Variants in DSC3 observed in about 807,000 individuals in gnomAD.
The protein encoded by DSC3 is desmocollin-3.
DSC3 carries 97 observed loss-of-function variants against 89.5 expected under a neutral mutation model. That is an observed-to-expected ratio of 1.08 (90% CI 0.92 to 1.28). The LOEUF (loss-of-function observed/expected upper bound fraction) is 1.28, where lower values mean the gene tolerates loss of function less well. Ranked by LOEUF, DSC3 falls within the 50% of genes most tolerant of loss-of-function variation. The pLI is 0.00. For missense variants in DSC3, 1,199 were observed against 1,085.3 expected (o/e 1.10, Z -1.47); for synonymous variants, 436 against 384.1 (o/e 1.14, Z -1.58).
chr18:31,002,890 A>G (rs749845871), intron 13 of DSC3, among the ~76,000 whole-genome samples: 2 of 152,160 alleles, frequency 1.3e-5, no homozygotes, highest in Admixed American at 6.5e-5. Flanking sequence ...AAAGCTTGAC[A>G]TATATACTAT....
chr18:31,008,174 AAAT>A lies in DSC3; in HGVS notation c.1521-19_1521-17del. ...TTTTTTGTACCTGTTAATAAAAAAAAAATAGTCTTTAGCATCAGAAAATGTTTT... is the reference window on the plus strand; with the variant it reads ...TTTTTTGTACCTGTTAATAAAAAAAAAGTCTTTAGCATCAGAAAATGTTTT... On this transcript the variant is annotated splice_polypyrimidine_tract_variant and intron_variant, in intron 10 of 15. Coordinates refer to ENST00000360428, the MANE Select transcript of DSC3 (RefSeq NM_001941.5). The A allele has an allele frequency of 1.2e-6, 2 of 1,608,020 alleles. No homozygotes were observed. The highest frequency in any genetic ancestry group is 2.7e-5 in the African/African-American group (2 of 74,966).
At position 30,991,113 on chromosome 18, in the gene DSC3, T is replaced by C. The variant is rs1227428482; in HGVS notation, c.*3062A>G. 6.6e-6 allele frequency: 1 copy of C among 152,650 alleles called. No homozygotes were observed. The highest frequency in any genetic ancestry group is 1.5e-5 in the Non-Finnish European group (1 of 68,042). The allele number at this position is 152,650 out of a possible 1,614,324, so 9.5% of individuals were successfully genotyped here. A position where few individuals can be genotyped will look rare whatever the true frequency, so the allele number is the denominator to read the frequency against. ...ATCTCCCCACATCTGTAAATATTAC[T>C]TTACGCATCCAATTTTTGCTTATTT... is the stretch of plus-strand genomic sequence containing the variant. On this transcript the variant is annotated 3_prime_UTR_variant, in exon 16 of 16. Transcript: ENST00000360428.
chr18:31,002,944 C>T (rs1051097231), intron 13 of DSC3, among the ~76,000 whole-genome samples: 11 of 152,156 alleles, frequency 7.2e-5, no homozygotes, highest in Admixed American at 2.6e-4. Flanking sequence ...GCCTACCCTA[C>T]ATGGCCCCAC....
chr18:31,029,535 C>A lies in DSC3; in HGVS notation c.448G>T (p.Gly150Cys). ...IPCSMQENSL[G>C]PFPLFLQQVE... Reference sequence around the variant, plus strand: ...TGTTGAAGAAACAATGGGAAAGGGCCCAAGGAATTCTCTTGCATAGAGCAA... The same window carrying A: ...TGTTGAAGAAACAATGGGAAAGGGCACAAGGAATTCTCTTGCATAGAGCAA... The change falls in exon 4 of 16, where the codon GGC becomes TGC. Residue 150 changes from glycine (G) to cysteine (C), a missense_variant. Transcript: ENST00000360428. 1.9e-6 allele frequency: 3 copies of A among 1,613,736 alleles called. No homozygotes were observed. Among genetic ancestry groups the A allele is most frequent in the Non-Finnish European group, 2.5e-6 (3 of 1,179,734 alleles).
chr18:31,004,241 T>A lies in DSC3; in HGVS notation c.2014A>T (p.Thr672Ser). 6.2e-7 allele frequency: 1 copy of A among 1,613,970 alleles called. No homozygotes were observed. The highest frequency in any genetic ancestry group is 1.1e-5 in the South Asian group (1 of 91,078). The change falls in exon 13 of 16, where the codon ACT becomes TCT. Residue 672 changes from threonine (T) to serine (S), a missense_variant. Physicochemically the swap from Thr to Ser is moderately conservative, Grantham distance 58. Coordinates refer to ENST00000360428, the MANE Select transcript of DSC3 (RefSeq NM_001941.5). Reference protein sequence around the residue: ...KLLRVNLCECTHPTQCRATSR... With the variant: ...KLLRVNLCECSHPTQCRATSR... ...GTCGCACGACACTGAGTTGGATGAG[T>A]ACATTCACACAGATTAACTCTCAAT...
Position 31,008,391 on chromosome 18 carries a change from A to G in DSC3, c.1398T>C (p.Asp466=). ...CTGCAGGAGTGCATTCAGGCCCCTCATCCAGATCCCTCACATGAACTGTAA... is the reference window on the plus strand; with the variant it reads ...CTGCAGGAGTGCATTCAGGCCCCTCGTCCAGATCCCTCACATGAACTGTAA... The part of the protein sequence containing the change: ...ALVTVHVRDL[D]EGPECTPAAQ... Residue 466 remains aspartate (D), a synonymous_variant, in exon 10 of 16, where the codon GAT becomes GAC. Transcript: ENST00000360428. 1 of 1,614,132 alleles carries G rather than the reference A, an allele frequency of 6.2e-7. No individual in the cohort carries two copies. Among genetic ancestry groups the G allele is most frequent in the Non-Finnish European group, 8.5e-7 (1 of 1,180,024 alleles).
In DSC3 at chr18:31,024,435, G is replaced by A. The variant is rs367787927; in HGVS notation, c.689C>T (p.Pro230Leu). The A allele has an allele frequency of 6.2e-7, 1 of 1,612,180 alleles. No homozygotes were observed. Among genetic ancestry groups the A allele is most frequent in the Non-Finnish European group, 8.5e-7 (1 of 1,178,960 alleles). Residue 230 changes from proline to leucine, a missense_variant, in exon 6 of 16, where the codon CCC becomes CTC. Physicochemically the swap from Pro to Leu is moderately conservative, Grantham distance 98. Transcript: ENST00000360428. ...GYSADLPLPL[P>L]IRVEDENDNH... ...GTCATTTTCATCCTCTACCCTGATG[G>A]GTAGTGGGAGGGGCAGATCTGCTGA...
At chr18:30,998,279 G>A (rs981589845) in intron 14 of DSC3, among the ~76,000 whole-genome samples, 1 of 152,132 alleles carries the variant, frequency 6.6e-6, no homozygotes, top group African/African-American at 2.4e-5. Context: ...GAGCCTACAA[G>A]TATCTAGATG....
intron 4 of DSC3, among the ~76,000 whole-genome samples, chr18:31,027,773 A>C (rs1027940030): frequency 3.3e-5 from 5 of 152,106 alleles, no homozygotes; most frequent in Non-Finnish European, 7.4e-5. Flanking sequence ...TTTGTTTCTG[A>C]AAGTTCAACC....
At chr18:31,029,651 A>G in intron 3 of DSC3, 23 bp from the exon 4 acceptor site, 1 of 1,613,230 alleles carries the variant, frequency 6.2e-7, no homozygotes, top group Non-Finnish European at 8.5e-7. Flanking sequence ...AAAAACAAAT[A>G]CATGAATAAA....
intron 1 of DSC3, among the ~76,000 whole-genome samples, chr18:31,034,629 C>T (rs1985912561): frequency 6.6e-6 from 1 of 152,084 alleles, no homozygotes; most frequent in African/African-American, 2.4e-5. Flanking sequence ...ATCCATACAA[C>T]GAAATGTTAT....
chr18:31,028,257 G>A (rs1985666441), intron 4 of DSC3, among the ~76,000 whole-genome samples: 1 of 152,066 alleles, frequency 6.6e-6, no homozygotes, highest in Non-Finnish European at 1.5e-5. Context: ...CCAAACATAC[G>A]AAGGAGTGAT....
intron 13 of DSC3, 70 bp downstream of exon 13, chr18:31,004,072 T>C: frequency 8.0e-7 from 1 of 1,254,778 alleles, no homozygotes; most frequent in South Asian, 1.3e-5. Context: ...GAGATTATTT[T>C]TTAAACATCT....
At chr18:31,025,524 A>G (rs990589591) in intron 5 of DSC3, among the ~76,000 whole-genome samples, 1 of 152,168 alleles carries the variant, frequency 6.6e-6, no homozygotes, top group Non-Finnish European at 1.5e-5. Context: ...ACATCGAAAT[A>G]CTTTGAAATT....
At chr18:31,012,034 A>G (rs1985087835) in intron 9 of DSC3, among the ~76,000 whole-genome samples, 1 of 147,170 alleles carries the variant, frequency 6.8e-6, no homozygotes, top group South Asian at 2.2e-4. Context: ...CTCTTTCCCA[A>G]GGAAAAGAAT....
chr18:31,004,776 T>A (rs1460707225), intron 12 of DSC3, among the ~76,000 whole-genome samples: 1 of 152,212 alleles, frequency 6.6e-6, no homozygotes, highest in Non-Finnish European at 1.5e-5. Flanking sequence ...ACTATTCATA[T>A]GGATAAGGTA....
rs546575651 is a variant in DSC3 at position 31,006,250 on chromosome 18, C to G, written c.1888+657G>C. On this transcript the variant is annotated intron_variant, in intron 12 of 15. Transcript: ENST00000360428. ...TCACTTCCAGAGTCAGCTTACAATA[C>G]AATTTAAACTACACATCTTCTGCTC... Among the ~76,000 whole-genome samples the G allele has an allele frequency of 3.3e-5, 5 of 151,916 alleles. No individual in the cohort carries two copies. In the East Asian group the frequency reaches 7.7e-4, roughly 24 times the overall value.
At chr18:31,021,056 GT>G (rs11463125) in intron 7 of DSC3, among the ~76,000 whole-genome samples, 7,422 of 144,674 alleles carry the variant, frequency 0.051, 597 homozygotes, top group African/African-American at 0.17. Context: ...TAAATTCACT[GT>G]TTTTTTTTTT....
chr18:30,992,641 C>T lies in DSC3; in HGVS notation c.*1534G>A, dbSNP rs1441959890. 1 of 152,338 alleles carries T rather than the reference C, an allele frequency of 6.6e-6. No homozygotes were observed. Among genetic ancestry groups the T allele is most frequent in the Non-Finnish European group, 1.5e-5 (1 of 68,106 alleles). 9.4% of individuals were successfully genotyped at this position (152,338 alleles called of 1,614,324 possible). ...CCTGCATCTTCCTGTTGCCCTCTGA[C>T]TGTACAAATAACCTACTTGGGCTGC... On this transcript the variant is annotated 3_prime_UTR_variant, in exon 16 of 16. Coordinates refer to ENST00000360428, the MANE Select transcript of DSC3 (RefSeq NM_001941.5).
Sources: gnomAD v4.1 joint callset for allele counts (sites outside exome capture counted in the v4.1 genomes callset) on GRCh38, gnomAD v4.1.1 for gene constraint, MANE v1.5 for transcripts, NCBI Gene and HGNC (gene_info 2026-07-23, HGNC 2026-07-21) for gene names.